Variants in ATP8A2 observed in about 807,000 individuals in gnomAD.
ATP8A2 encodes the protein ATPase phospholipid transporting 8A2.
A neutral mutation model predicts 165.6 loss-of-function variants in ATP8A2; 100 were observed. That is an observed-to-expected ratio of 0.60 (90% CI 0.51 to 0.71). ATP8A2 has a LOEUF of 0.71. Among genes scored for constraint, ATP8A2 ranks in the 30% least tolerant of loss-of-function variants. ATP8A2 has a pLI of 0.00. For missense variants in ATP8A2, 1,227 were observed against 1,479.5 expected (o/e 0.83, Z 2.80); for synonymous variants, 543 against 548.8 (o/e 0.99, Z 0.15).
chr13:25,687,280 C>T (rs2042622215), intron 24 of ATP8A2, among the ~76,000 whole-genome samples: 1 of 152,140 alleles, frequency 6.6e-6, no homozygotes, highest in South Asian at 2.1e-4. Flanking sequence ...AAGGAAATGA[C>T]CCAGGTGATC....
intron 24 of ATP8A2, among the ~76,000 whole-genome samples, chr13:25,634,594 G>T (rs1292524166): frequency 6.6e-6 from 1 of 152,084 alleles, no homozygotes; most frequent in Non-Finnish European, 1.5e-5. Context: ...TTGAACTGAT[G>T]AAGTTTTCTT....
intron 25 of ATP8A2, among the ~76,000 whole-genome samples, chr13:25,703,735 C>G (rs1030530794): frequency 2.0e-5 from 3 of 152,184 alleles, no homozygotes; most frequent in Non-Finnish European, 1.5e-5. Context: ...TCAGAATAGG[C>G]AAATCCACAG....
chr13:25,571,692 G>A lies in ATP8A2; in HGVS notation c.1662G>A (p.Ala554=), dbSNP rs765757067. The part of the protein sequence containing the change: ...ARTPFSVIIE[A]MGQEQTFGIL... ...CACCATTCTCAGTCATCATAGAAGCGGTGAGTAACATGCGTGTGCACATTT... is the reference window on the plus strand; with the variant it reads ...CACCATTCTCAGTCATCATAGAAGCAGTGAGTAACATGCGTGTGCACATTT... The change falls in exon 18 of 37, where the codon GCG becomes GCA. Residue 554 remains alanine (A), a splice_region_variant and synonymous_variant. Transcript: ENST00000381655. 18 of 1,613,310 alleles carry A rather than the reference G, an allele frequency of 1.1e-5. No individual in the cohort carries two copies. Among genetic ancestry groups the A allele is most frequent in the Admixed American group, 1.7e-5 (1 of 60,002 alleles).
chr13:25,595,248 A>G (rs1287297281), intron 24 of ATP8A2, among the ~76,000 whole-genome samples: 4 of 152,232 alleles, frequency 2.6e-5, no homozygotes, highest in African/African-American at 9.6e-5. Context: ...TGTACTGGCA[A>G]AGATGTGTTT....
At chr13:25,433,778 C>T (rs2034677956) in intron 1 of ATP8A2, among the ~76,000 whole-genome samples, 2 of 152,114 alleles carry the variant, frequency 1.3e-5, no homozygotes, top group African/African-American at 4.8e-5. Context: ...ATTTATACAC[C>T]ATGGAATACT....
intron 24 of ATP8A2, among the ~76,000 whole-genome samples, chr13:25,692,164 A>G (rs1005315101): frequency 3.3e-5 from 5 of 152,162 alleles, no homozygotes; most frequent in Non-Finnish European, 7.3e-5. Context: ...GGGAAGAAAA[A>G]GCATTGAATG....
intron 4 of ATP8A2, among the ~76,000 whole-genome samples, chr13:25,531,820 T>A (rs980847037): frequency 2.0e-5 from 3 of 152,090 alleles, no homozygotes; most frequent in African/African-American, 7.2e-5. Flanking sequence ...TTGGGTCCCA[T>A]CCCAGAGACA....
chr13:25,764,291 T>C (rs1315236151), intron 25 of ATP8A2, among the ~76,000 whole-genome samples: 2 of 152,194 alleles, frequency 1.3e-5, no homozygotes, highest in Non-Finnish European at 1.5e-5. Context: ...ATATTTTTAA[T>C]GAAATACCAA....
chr13:25,730,967 G>C (rs749812516), intron 25 of ATP8A2, among the ~76,000 whole-genome samples: 1 of 151,864 alleles, frequency 6.6e-6, no homozygotes. Flanking sequence ...CCAGCCGCAC[G>C]AGAGACTGAG....
At chr13:25,547,825 A>C (rs532311077) in intron 10 of ATP8A2, among the ~76,000 whole-genome samples, 45 of 152,322 alleles carry the variant, frequency 3.0e-4, no homozygotes, top group African/African-American at 1.0e-3. Flanking sequence ...TCAAAATCTG[A>C]CATTTTGACC....
intron 2 of ATP8A2, among the ~76,000 whole-genome samples, chr13:25,513,818 G>A (rs1485873708): frequency 6.6e-5 from 10 of 152,206 alleles, no homozygotes; most frequent in Non-Finnish European, 1.3e-4. Flanking sequence ...CCAGTCAGGC[G>A]TGGCGGCGCG....
At chr13:25,833,318 G>A (rs1048605118) in intron 28 of ATP8A2, among the ~76,000 whole-genome samples, 1 of 151,764 alleles carries the variant, frequency 6.6e-6, no homozygotes, top group South Asian at 2.1e-4. Flanking sequence ...AATCCCAACA[G>A]GTGAATGTTT....
intron 24 of ATP8A2, among the ~76,000 whole-genome samples, chr13:25,599,079 T>C (rs1049998274): frequency 1.1e-4 from 17 of 152,102 alleles, no homozygotes; most frequent in Admixed American, 2.0e-4. Context: ...TTTTTTCATA[T>C]ATATGAGAAA....
At chr13:25,722,535 A>G (rs1343628539) in intron 25 of ATP8A2, among the ~76,000 whole-genome samples, 2 of 152,110 alleles carry the variant, frequency 1.3e-5, no homozygotes, top group Non-Finnish European at 2.9e-5. Context: ...TGTACATGCT[A>G]TGTATTTTGA....
chr13:25,494,836 T>C (rs1209093413), intron 2 of ATP8A2, among the ~76,000 whole-genome samples: 2 of 152,120 alleles, frequency 1.3e-5, no homozygotes, highest in Non-Finnish European at 2.9e-5. Context: ...TTTTTCACAG[T>C]GATGTCAGCA....
intron 24 of ATP8A2, among the ~76,000 whole-genome samples, chr13:25,610,846 T>G (rs1470432522): frequency 6.6e-6 from 1 of 151,938 alleles, no homozygotes; most frequent in East Asian, 1.9e-4. Context: ...ATATTTTTCC[T>G]TGTAGAGGTC....
At chr13:25,914,565 C>T (rs1421693200) in intron 33 of ATP8A2, among the ~76,000 whole-genome samples, 2 of 152,210 alleles carry the variant, frequency 1.3e-5, no homozygotes, top group Admixed American at 6.5e-5. Flanking sequence ...TCCCTCCTCT[C>T]CTTCACCAGT....
At chr13:25,791,906 T>C (rs1052282522) in intron 27 of ATP8A2, among the ~76,000 whole-genome samples, 2 of 152,204 alleles carry the variant, frequency 1.3e-5, no homozygotes, top group Non-Finnish European at 2.9e-5. Context: ...GCTCACCTTT[T>C]TTTGTGGGAG....
intron 13 of ATP8A2, among the ~76,000 whole-genome samples, chr13:25,557,786 A>G (rs527615610): frequency 6.6e-6 from 1 of 152,308 alleles, no homozygotes; most frequent in African/African-American, 2.4e-5. Context: ...CTAATTGAGG[A>G]TATGGGGAAA....
Sources: allele counts gnomAD v4.1 joint callset (sites outside exome capture counted in the v4.1 genomes callset), GRCh38; gene constraint gnomAD v4.1.1; transcripts MANE v1.5; gene names NCBI Gene and HGNC (gene_info 2026-07-23, HGNC 2026-07-21).